MYL4: variants seen among roughly 807,000 people sequenced by gnomAD.
The protein encoded by MYL4 is atrial myosin light chain 1.
Under a neutral mutation model 21.6 loss-of-function variants are expected in MYL4, and 16 were observed. The ratio of observed to expected loss-of-function variants is 0.74; its 90% CI spans 0.50 to 1.12. MYL4 has a LOEUF of 1.12. MYL4 is among the 50% of genes most tolerant of loss of function. The pLI is 0.00. For synonymous variants in MYL4, 82 were observed against 95.7 expected (o/e 0.86, Z 0.83); for missense variants, 249 against 252.9 (o/e 0.98, Z 0.11).
the MYL4 span, among the ~76,000 whole-genome samples, chr17:47,189,940 G>T: frequency 6.6e-6 from 1 of 152,014 alleles, no homozygotes; most frequent in Admixed American, 6.5e-5. Flanking sequence ...TTCAGAGAGG[G>T]CAATTGTGAT....
chr17:47,203,533 G>C (rs919321711), intron 1 of MYL4, among the ~76,000 whole-genome samples: 1 of 151,788 alleles, frequency 6.6e-6, no homozygotes, highest in African/African-American at 2.4e-5. Context: ...ACTTTTTATA[G>C]TTGATATTCT....
intron 2 of MYL4, among the ~76,000 whole-genome samples, chr17:47,215,009 G>T (rs755380435): frequency 1.3e-5 from 2 of 152,014 alleles, no homozygotes; most frequent in Admixed American, 6.6e-5. Context: ...GCTTTCTTTC[G>T]CCTGTGGCCT....
At chr17:47,192,376 G>A in the MYL4 span, among the ~76,000 whole-genome samples, 10 of 150,444 alleles carry the variant, frequency 6.6e-5, no homozygotes, top group Admixed American at 4.0e-4. Context: ...AAGGCCAGGC[G>A]CGTTGGCTCA....
chr17:47,219,934 G>A lies in MYL4; in HGVS notation c.194G>A (p.Arg65Gln), dbSNP rs1050214578. Residue 65 changes from arginine to glutamine, a missense_variant, in exon 3 of 7, where the codon CGG becomes CAG. Coordinates refer to ENST00000393450, the MANE Select transcript of MYL4 (RefSeq NM_002476.2). ...EFKEAFSLFD[R>Q]TPTGEMKITY... ...AAAGAGGCCTTTTCATTGTTTGACC[G>A]GACCCCGACTGGAGAGATGAAGATC... is the stretch of plus-strand genomic sequence containing the variant. The A allele has an allele frequency of 8.1e-6, 13 of 1,614,056 alleles. No individual in the cohort carries two copies. The highest frequency in any genetic ancestry group is 1.6e-4 in the Middle Eastern group (1 of 6,084).
chr17:47,204,146 G>A (rs1420678644), upstream of MYL4, among the ~76,000 whole-genome samples: 1 of 152,230 alleles, frequency 6.6e-6, no homozygotes, highest in African/African-American at 2.4e-5. Flanking sequence ...GTCATGGCGA[G>A]TGAGGGAGTA....
At chr17:47,213,965 T>C in intron 2 of MYL4, 139 bp downstream of exon 2, 1 of 1,012,760 alleles carries the variant, frequency 9.9e-7, no homozygotes, top group Non-Finnish European at 1.6e-6. Context: ...ATATTGAGCA[T>C]CTACCATGTG....
upstream of MYL4, among the ~76,000 whole-genome samples, chr17:47,207,599 G>A (rs1185961514): frequency 6.6e-6 from 1 of 152,204 alleles, no homozygotes; most frequent in Non-Finnish European, 1.5e-5. Flanking sequence ...CTTTACAGGT[G>A]AGGAAACTGG....
At chr17:47,222,975 G>T in intron 5 of MYL4, 39 bp from the exon 6 acceptor site, 1 of 1,613,604 alleles carries the variant, frequency 6.2e-7, no homozygotes, top group Non-Finnish European at 8.5e-7. Context: ...GCCTAGAGGC[G>T]CTGAGCCACA....
chr17:47,214,799 T>C (rs2064802218), intron 2 of MYL4, among the ~76,000 whole-genome samples: 1 of 152,230 alleles, frequency 6.6e-6, no homozygotes, highest in Non-Finnish European at 1.5e-5. Flanking sequence ...AGCCGTGTGA[T>C]ACACACTGTC....
At chr17:47,190,095 T>TA in the MYL4 span, among the ~76,000 whole-genome samples, 1 of 152,198 alleles carries the variant, frequency 6.6e-6, no homozygotes, top group African/African-American at 2.4e-5. Flanking sequence ...TGGAAATAGT[T>TA]ACTTAGGTGA....
upstream of MYL4, among the ~76,000 whole-genome samples, chr17:47,197,594 A>AGAGTCTC (rs2064694250): frequency 6.6e-6 from 1 of 152,178 alleles, no homozygotes; most frequent in Admixed American, 6.5e-5. Context: ...ATGGTGTAGA[A>AGAGTCTC]GCAATGTGCA....
chr17:47,221,205 G>C (rs375734511), intron 3 of MYL4, among the ~76,000 whole-genome samples: 3 of 152,224 alleles, frequency 2.0e-5, no homozygotes, highest in East Asian at 3.8e-4. Flanking sequence ...GCTTCAAGCT[G>C]TGTGGTCTAG....
chr17:47,220,284 G>A (rs1334956589), intron 3 of MYL4, among the ~76,000 whole-genome samples: 1 of 152,250 alleles, frequency 6.6e-6, no homozygotes, highest in Non-Finnish European at 1.5e-5. Flanking sequence ...CCCTCACGAG[G>A]TTGGGAGCTC....
intron 3 of MYL4, among the ~76,000 whole-genome samples, chr17:47,220,610 GGTGA>G (rs1410211608): frequency 3.9e-5 from 6 of 152,330 alleles, no homozygotes; most frequent in East Asian, 3.9e-4. Context: ...TGTTTAGAAT[GGTGA>G]GTAAGTGTTT....
Position 47,209,366 on chromosome 17 carries a change from C to A in MYL4, c.-57C>A. On this transcript the variant is annotated 5_prime_UTR_variant, in exon 1 of 7. Coordinates refer to ENST00000393450, the MANE Select transcript of MYL4 (RefSeq NM_002476.2). ...GGCTCCTATCTCATCTCCCAGACGC[C>A]ACGTCTCTCGGTTTCTTCTTAGATC... The A allele has an allele frequency of 6.2e-7, 1 of 1,612,386 alleles. No individual in the cohort carries two copies. Among genetic ancestry groups the A allele is most frequent in the Non-Finnish European group, 8.5e-7 (1 of 1,179,058 alleles).
At chr17:47,205,955 A>G (rs2064726932), upstream of MYL4, among the ~76,000 whole-genome samples, 1 of 152,190 alleles carries the variant, frequency 6.6e-6, no homozygotes, top group Admixed American at 6.5e-5. Context: ...GGAAGTTCCA[A>G]ATCTGGGAAG....
chr17:47,203,944 C>T (rs113991757), intron 1 of MYL4, among the ~76,000 whole-genome samples: 1 of 152,350 alleles, frequency 6.6e-6, no homozygotes, highest in African/African-American at 2.4e-5. Flanking sequence ...CTTAGGAGTA[C>T]AGGCATGAGC....
At chr17:47,193,306 C>G in the MYL4 span, among the ~76,000 whole-genome samples, 1 of 152,080 alleles carries the variant, frequency 6.6e-6, no homozygotes, top group African/African-American at 2.4e-5. Context: ...CTCGCTCTGT[C>G]ACCCAGGCTG....
At chr17:47,218,612 C>A (rs1272877853) in intron 2 of MYL4, among the ~76,000 whole-genome samples, 2 of 152,048 alleles carry the variant, frequency 1.3e-5, no homozygotes, top group East Asian at 3.9e-4. Context: ...ATGGTGAAAC[C>A]CTGTCTCTGC....
Sources: gnomAD v4.1 joint callset for allele counts (sites outside exome capture counted in the v4.1 genomes callset) on GRCh38, gnomAD v4.1.1 for gene constraint, MANE v1.5 for transcripts, NCBI Gene and HGNC (gene_info 2026-07-23, HGNC 2026-07-21) for gene names.